ZNF429: variants seen among roughly 807,000 people sequenced by gnomAD.
ZNF429 encodes zinc finger protein 429.
In ZNF429, 53 loss-of-function variants were observed where a neutral mutation model predicts 56.8. The observed-to-expected ratio is 0.93, with a 90% CI of 0.75 to 1.17. The LOEUF (loss-of-function observed/expected upper bound fraction) is 1.17, where lower values mean the gene tolerates loss of function less well. Ranked by LOEUF, ZNF429 falls within the 50% of genes most tolerant of loss-of-function variation. The pLI is 0.00. For synonymous variants in ZNF429, 278 were observed against 264.7 expected (o/e 1.05, Z -0.49); for missense variants, 849 against 788.4 (o/e 1.08, Z -0.92).
At chr19:21,519,839 A>G (rs1393843469) in intron 1 of ZNF429, among the ~76,000 whole-genome samples, 1 of 151,068 alleles carries the variant, frequency 6.6e-6, no homozygotes, top group Admixed American at 6.6e-5. Context: ...TCTTCTAAGA[A>G]CTTGCTGTAT....
At chr19:21,522,967 C>T (rs1395484254) in intron 1 of ZNF429, among the ~76,000 whole-genome samples, 1 of 151,892 alleles carries the variant, frequency 6.6e-6, no homozygotes, top group Non-Finnish European at 1.5e-5. Flanking sequence ...ATCTATAGTC[C>T]TCTACAGTCA....
At chr19:21,523,933 G>A (rs1044300770) in intron 1 of ZNF429, among the ~76,000 whole-genome samples, 1 of 152,158 alleles carries the variant, frequency 6.6e-6, no homozygotes. Context: ...CTGCACATAA[G>A]GCCAGGCCTC....
intron 3 of ZNF429, among the ~76,000 whole-genome samples, chr19:21,535,469 T>TTTCTTTC: frequency 1.0e-5 from 1 of 99,414 alleles, no homozygotes; most frequent in Non-Finnish European, 2.0e-5. Flanking sequence ...TCTTTCTTTC[T>TTTCTTTC]TTCTTTCTTT....
chr19:21,535,708 G>T, intron 3 of ZNF429, among the ~76,000 whole-genome samples: 1 of 151,590 alleles, frequency 6.6e-6, no homozygotes, highest in Non-Finnish European at 1.5e-5. Context: ...TAGAGACAGG[G>T]TTTCACCATG....
At chr19:21,515,315 T>A (rs2032689651) in intron 1 of ZNF429, among the ~76,000 whole-genome samples, 1 of 151,914 alleles carries the variant, frequency 6.6e-6, no homozygotes, top group South Asian at 2.1e-4. Context: ...TTGTGATTTT[T>A]CTTTGCATTT....
chr19:21,515,181 T>G (rs1223831339), intron 1 of ZNF429, among the ~76,000 whole-genome samples: 1 of 150,838 alleles, frequency 6.6e-6, no homozygotes, highest in Non-Finnish European at 1.5e-5. Context: ...CCTGAAGTGA[T>G]CCCCGTACCT....
In ZNF429 at chr19:21,535,477, TTTC is replaced by T; in HGVS notation, c.227-800_227-798del. On this transcript the variant is annotated intron_variant, in intron 3 of 3. Transcript: ENST00000358491. ...CTTTCTTTCTTTCTTTCTTTCTTTC[TTTC>T]TTTCTTTCTTTCTTTCTTCTTTCTT... Among the ~76,000 whole-genome samples, 63 of 96,808 alleles carry T rather than the reference TTTC, an allele frequency of 6.5e-4. 4 individuals are homozygous for T. Among genetic ancestry groups the T allele is most frequent in the African/African-American group, 2.4e-3 (59 of 24,400 alleles). 63.5% of individuals were successfully genotyped at this position (96,808 alleles called of 152,430 possible).
intron 1 of ZNF429, among the ~76,000 whole-genome samples, chr19:21,510,916 G>A (rs1230996953): frequency 1.3e-5 from 2 of 152,004 alleles, no homozygotes; most frequent in African/African-American, 4.8e-5. Flanking sequence ...TAGATCAACA[G>A]GATCCCAAGG....
At position 21,517,562 on chromosome 19, in the gene ZNF429, C is replaced by T. The variant is rs116162965; in HGVS notation, c.3+11788C>T. On this transcript the variant is annotated intron_variant, in intron 1 of 3. Transcript: ENST00000358491. ...GAATTCAGCTGTGAATCTGTGGGTC[C>T]TAGGCTTTTTTTGGCTGGTAGGCTA... Among the ~76,000 whole-genome samples, 554 of 152,074 alleles carry T rather than the reference C, an allele frequency of 3.6e-3. 6 individuals are homozygous for T. Among genetic ancestry groups the T allele is most frequent in the African/African-American group, 0.013 (531 of 41,480 alleles).
intron 1 of ZNF429, chr19:21,506,006 C>T (rs1223593265): frequency 9.5e-6 from 4 of 419,366 alleles, no homozygotes; most frequent in Non-Finnish European, 1.8e-5. Context: ...GACGTGTAGC[C>T]CTGTCTGGGG....
chr19:21,538,013 C>G lies in ZNF429; in HGVS notation c.1960C>G (p.Pro654Ala), dbSNP rs756460217. 10 of 1,611,890 alleles carry G rather than the reference C, an allele frequency of 6.2e-6. No individual in the cohort carries two copies. The South Asian group carries it at 1.1e-4, about 18-fold the overall frequency. The stretch of plus-strand genomic sequence containing the variant: ...GGGTGTGGTGGCTCATGCCTGTAAT[C>G]CCAGCACTTTGGGAGGCAGAGGTGG... ...RMGVVAHACN[P>A]STLGGRGGRI... is the part of the protein sequence containing the mutation. The change falls in exon 4 of 4, where the codon CCC becomes GCC. Residue 654 changes from proline to alanine, a missense_variant. By Grantham distance (27) the Pro-to-Ala change is conservative. Transcript: ENST00000358491.
At chr19:21,514,332 C>G (rs2032638980) in intron 1 of ZNF429, among the ~76,000 whole-genome samples, 1 of 152,074 alleles carries the variant, frequency 6.6e-6, no homozygotes, top group Non-Finnish European at 1.5e-5. Context: ...TTCTCTTTGT[C>G]CTCCTACCCT....
intron 1 of ZNF429, among the ~76,000 whole-genome samples, chr19:21,512,087 G>C (rs990950501): frequency 6.6e-6 from 1 of 151,420 alleles, no homozygotes; most frequent in Non-Finnish European, 1.5e-5. Context: ...GAGGGAGACC[G>C]TGGGGAGAGG....
chr19:21,525,133 C>T (rs1356353524), intron 1 of ZNF429, among the ~76,000 whole-genome samples: 1 of 152,072 alleles, frequency 6.6e-6, no homozygotes, highest in Non-Finnish European at 1.5e-5. Context: ...GGGCCACTTT[C>T]TTTACATTGT....
intron 1 of ZNF429, among the ~76,000 whole-genome samples, chr19:21,511,950 G>A (rs1215685881): frequency 3.3e-5 from 5 of 152,086 alleles, no homozygotes; most frequent in South Asian, 2.1e-4. Flanking sequence ...GGCGGTGCGC[G>A]CCTGGAATCG....
chr19:21,512,414 C>A (rs1285945074), intron 1 of ZNF429, among the ~76,000 whole-genome samples: 1 of 151,970 alleles, frequency 6.6e-6, no homozygotes, highest in Non-Finnish European at 1.5e-5. Context: ...AATTTCAGCA[C>A]TTTGGAAGGC....
intron 1 of ZNF429, among the ~76,000 whole-genome samples, chr19:21,510,532 C>T (rs980860059): frequency 1.1e-4 from 16 of 152,166 alleles, no homozygotes; most frequent in African/African-American, 3.9e-4. Flanking sequence ...ACAGACATAG[C>T]ATCCCAGAGG....
chr19:21,522,895 CAAA>C (rs34316111), intron 1 of ZNF429, among the ~76,000 whole-genome samples: 1 of 136,610 alleles, frequency 7.3e-6, no homozygotes, highest in Non-Finnish European at 1.6e-5. Flanking sequence ...GACTCTGTCT[CAAA>C]AAAAAAAAAA....
intron 3 of ZNF429, among the ~76,000 whole-genome samples, chr19:21,535,619 A>T: frequency 6.6e-6 from 1 of 150,634 alleles, no homozygotes; most frequent in East Asian, 1.9e-4. Context: ...GGTTCAAGTG[A>T]TTCTCCTGCC....
Sources: allele counts gnomAD v4.1 joint callset (sites outside exome capture counted in the v4.1 genomes callset), GRCh38; gene constraint gnomAD v4.1.1; transcripts MANE v1.5; gene names NCBI Gene and HGNC (gene_info 2026-07-23, HGNC 2026-07-21).